DHPS: variants seen among roughly 807,000 people sequenced by gnomAD.
DHPS encodes the protein migration-inducing gene 13.
In DHPS, 24 loss-of-function variants were observed where a neutral mutation model predicts 38.7. The observed-to-expected ratio is 0.62, with a 90% CI of 0.45 to 0.87. The LOEUF (loss-of-function observed/expected upper bound fraction) is 0.87. Ranked by LOEUF, DHPS falls within the 40% of genes least tolerant of loss-of-function variation. The probability of loss-of-function intolerance (pLI) is 0.00; values close to 1 mark genes in which losing one functional copy is unlikely to be tolerated. For missense variants in DHPS, 510 were observed against 497.6 expected (o/e 1.02, Z -0.24); for synonymous variants, 250 against 204.4 (o/e 1.22, Z -1.90).
intron 5 of DHPS, 77 bp downstream of exon 5, chr19:12,679,380 T>G: frequency 7.5e-7 from 1 of 1,329,532 alleles, no homozygotes; most frequent in South Asian, 1.2e-5. Context: ...CAGTACTGAA[T>G]CCCCAGGAGG....
chr19:12,681,686 T>G lies in DHPS; in HGVS notation c.81A>C (p.Glu27Asp). 1 of 1,614,108 alleles carries G rather than the reference T, an allele frequency of 6.2e-7. No homozygotes were observed. The highest frequency in any genetic ancestry group is 8.5e-7 in the Non-Finnish European group (1 of 1,180,030). Residue 27 changes from glutamate (E) to aspartate (D), a missense_variant, in exon 1 of 9, where the codon GAA becomes GAC. Coordinates refer to ENST00000210060, the MANE Select transcript of DHPS (RefSeq NM_001930.4). ...AGTCGTAGCCCCGGACCTGGGTGCT[T>G]TCGGGCGGCAACGTCGAGCTGTGCT... ...VLKHSSTLPPESTQVRGYDFN... is the reference protein window; with the variant it reads ...VLKHSSTLPPDSTQVRGYDFN...
rs762439138 is a variant in DHPS at position 12,680,238 on chromosome 19, T to C, written c.295A>G (p.Ile99Val). The C allele has an allele frequency of 8.1e-6, 13 of 1,614,022 alleles. No individual in the cohort carries two copies. The highest frequency in any genetic ancestry group is 1.1e-5 in the South Asian group (1 of 91,082). Residue 99 changes from isoleucine (I) to valine (V), a missense_variant, in exon 2 of 9, where the codon ATT becomes GTT. Coordinates refer to ENST00000210060, the MANE Select transcript of DHPS (RefSeq NM_001930.4). The part of the protein sequence containing the change: ...QSRRPLTSCT[I>V]FLGYTSNLIS... ...AGGTTGGATGTATATCCCAGGAAAA[T>C]GGTGCAGCTGGTAAGTGGGCGGCGG...
chr19:12,674,523 T>C (rs2145329707), downstream of DHPS, among the ~76,000 whole-genome samples: 1 of 152,294 alleles, frequency 6.6e-6, no homozygotes, highest in East Asian at 1.9e-4. Context: ...ACCTATTTCT[T>C]ATGGGCCCAG....
At position 12,679,543 on chromosome 19, in the gene DHPS, C is replaced by T. The variant is rs753763777; in HGVS notation, c.592G>A (p.Gly198Ser). 9 of 1,614,168 alleles carry T rather than the reference C, an allele frequency of 5.6e-6. No homozygotes were observed. The highest frequency in any genetic ancestry group is 1.3e-5 in the African/African-American group (1 of 75,046). The change falls in exon 5 of 9, where the codon GGT (glycine) becomes AGT (serine). Residue 198 changes from glycine (G) to serine (S), a missense_variant and splice_region_variant. Gly to Ser is a moderately conservative substitution (Grantham distance 56). Transcript: ENST00000210060. The stretch of plus-strand genomic sequence containing the variant: ...ATCTTAGAAGGCGTCCACTTTACAC[C>T]CTAGGAGAGGATGTGACCTTCAGGC... ...DQMVMEQNTEGVKWTPSKMIA... is the reference protein window; with the variant it reads ...DQMVMEQNTESVKWTPSKMIA...
intron 5 of DHPS, among the ~76,000 whole-genome samples, chr19:12,678,804 T>C (rs2024702721): frequency 6.9e-6 from 1 of 144,170 alleles, no homozygotes; most frequent in South Asian, 2.2e-4. Flanking sequence ...CTATGTAGCT[T>C]TTTTTTTTTT....
In DHPS at chr19:12,677,162, C is replaced by T. The variant is rs767613292; in HGVS notation, c.834G>A (p.Met278Ile). The change falls in exon 7 of 9, where the codon ATG becomes ATA. Residue 278 changes from methionine to isoleucine, a missense_variant. Met to Ile is a conservative substitution (Grantham distance 10). Coordinates refer to ENST00000210060, the MANE Select transcript of DHPS (RefSeq NM_001930.4). ...TQAIFAKCTG[M>I]IILGGGVVKH... is the part of the protein sequence containing the mutation. Reference sequence around the variant, plus strand: ...TGACCACGCCCCCGCCCAGAATGATCATCCCAGTGCACTTGGCAAAGATGG... The same window carrying T: ...TGACCACGCCCCCGCCCAGAATGATTATCCCAGTGCACTTGGCAAAGATGG... 4 of 1,614,128 alleles carry T rather than the reference C, an allele frequency of 2.5e-6. No individual in the cohort carries two copies. The highest frequency in any genetic ancestry group is 3.4e-6 in the Non-Finnish European group (4 of 1,180,054).
downstream of DHPS, chr19:12,672,756 A>G (rs1057459569): frequency 7.5e-7 from 1 of 1,332,680 alleles, no homozygotes; most frequent in Non-Finnish European, 1.1e-6. Context: ...GTGCACTGGA[A>G]GAGCAGGCCC....
chr19:12,679,747 G>A (rs1448764641), intron 3 of DHPS, 28 bp from the exon 4 acceptor site: 1 of 1,614,104 alleles, frequency 6.2e-7, no homozygotes, highest in African/African-American at 1.3e-5. Context: ...GTAGGCATCA[G>A]GCCCCAGGAC....
rs1324953393 is a variant in DHPS, at chr19:12,681,726, AGCGCCCCCGCTG to A, written c.29_40del (p.Pro10_Ala13del). 6 of 1,612,834 alleles carry A rather than the reference AGCGCCCCCGCTG, an allele frequency of 3.7e-6. No individual in the cohort carries two copies. The African/African-American group carries it at 4.0e-5, about 11-fold the overall frequency. ...CGAGCTGTGCTTTAGCACGGCGGCC[AGCGCCCCCGCTG>A]GCGCCTCCCGTTCCAGGGAACCTTC... On this transcript the variant is annotated inframe_deletion, in exon 1 of 9. Coordinates refer to ENST00000210060, the MANE Select transcript of DHPS (RefSeq NM_001930.4).
At chr19:12,677,713 G>A (rs1364060452) in intron 5 of DHPS, among the ~76,000 whole-genome samples, 2 of 152,004 alleles carry the variant, frequency 1.3e-5, no homozygotes, top group East Asian at 3.9e-4. Flanking sequence ...TCAGCTCACT[G>A]CAACCTCTGC....
At chr19:12,680,056 C>G (rs780601641) in intron 2 of DHPS, 105 bp downstream of exon 2, 1 of 1,557,208 alleles carries the variant, frequency 6.4e-7, no homozygotes, top group South Asian at 1.2e-5. Context: ...TGATTCTATT[C>G]CTCTGCTTAT....
At chr19:12,676,624 C>T (rs1017272260) in intron 7 of DHPS, 2 of 219,164 alleles carry the variant, frequency 9.1e-6, no homozygotes, top group Non-Finnish European at 1.9e-5. Context: ...CCCTGTGGCA[C>T]CTCCCTGCAT....
At position 12,675,939 on chromosome 19, in the gene DHPS, T is replaced by A. The variant is rs752931416; in HGVS notation, c.1015-6A>T. On this transcript the variant is annotated splice_polypyrimidine_tract_variant and splice_region_variant and intron_variant, in intron 8 of 8. Coordinates refer to ENST00000210060, the MANE Select transcript of DHPS (RefSeq NM_001930.4). ...AGGGAGGCGTCAGCATAGACCTGGG[T>A]AGGGGGGAACCTGGGTAAGCCATGG... is the stretch of plus-strand genomic sequence containing the variant. 36 of 1,603,768 alleles carry A rather than the reference T, an allele frequency of 2.2e-5. No individual in the cohort carries two copies. The highest frequency in any genetic ancestry group is 3.0e-5 in the Non-Finnish European group (35 of 1,174,176).
Position 12,681,557 on chromosome 19 carries a change from C to T in DHPS, c.207+3G>A. 1.2e-6 allele frequency: 2 copies of T among 1,614,254 alleles called. No homozygotes were observed. Among genetic ancestry groups the T allele is most frequent in the Non-Finnish European group, 1.7e-6 (2 of 1,180,054 alleles). On this transcript the variant is annotated splice_donor_region_variant and intron_variant, in intron 1 of 8. Coordinates refer to ENST00000210060, the MANE Select transcript of DHPS (RefSeq NM_001930.4). ...GTCCCTAGAAATTCCGCCCGGTCCTCACCATGGCATTGACTTGCTGTACAG... is the reference window on the plus strand; with the variant it reads ...GTCCCTAGAAATTCCGCCCGGTCCTTACCATGGCATTGACTTGCTGTACAG...
intron 1 of DHPS, chr19:12,681,253 C>A (rs1568320630): frequency 1.6e-6 from 2 of 1,286,504 alleles, no homozygotes; most frequent in Non-Finnish European, 2.0e-6. Flanking sequence ...CATATCCTCC[C>A]TTAATTTGTC....
Position 12,681,616 on chromosome 19 carries a change from T to TGCCGAAG in DHPS, c.144_150dup (p.Thr51LeufsTer33). 1 of 1,614,248 alleles carries TGCCGAAG rather than the reference T, an allele frequency of 6.2e-7. No individual in the cohort carries two copies. Among genetic ancestry groups the TGCCGAAG allele is most frequent in the Non-Finnish European group, 8.5e-7 (1 of 1,180,046 alleles). The stretch of plus-strand genomic sequence containing the variant: ...AAGTTGGTTGCTTGGAAGCCGGTGG[T>TGCCGAAG]GCCGAAGGCCTCCAGCAGTGCGCGG... On this transcript the variant is annotated frameshift_variant, in exon 1 of 9. Transcript: ENST00000210060. LOFTEE classifies it high-confidence loss of function.
chr19:12,680,082 G>C, intron 2 of DHPS, 79 bp downstream of exon 2: 1 of 1,582,858 alleles, frequency 6.3e-7, no homozygotes, highest in Non-Finnish European at 8.6e-7. Flanking sequence ...ACCCCTATCT[G>C]CCCATCTCAC....
downstream of DHPS, chr19:12,675,662 G>C (rs1461917832): frequency 1.2e-6 from 2 of 1,600,756 alleles, no homozygotes; most frequent in East Asian, 2.2e-5. Context: ...GCAGAGGATG[G>C]AGCAGGCTGA....
downstream of DHPS, among the ~76,000 whole-genome samples, chr19:12,673,665 C>T (rs986171557): frequency 2.6e-5 from 4 of 151,458 alleles, no homozygotes; most frequent in African/African-American, 9.7e-5. Context: ...ATCCACCCAC[C>T]TCAGCCTTCC....
Sources: gnomAD v4.1 joint callset for allele counts (sites outside exome capture counted in the v4.1 genomes callset) on GRCh38, gnomAD v4.1.1 for gene constraint, MANE v1.5 for transcripts, NCBI Gene and HGNC (gene_info 2026-07-23, HGNC 2026-07-21) for gene names.